The following FRYL variants were observed in gnomAD, a reference collection of about 807,000 sequenced individuals.
FRYL encodes protein furry homolog-like.
In FRYL, 150 loss-of-function variants were observed where a neutral mutation model predicts 351.2. The observed-to-expected ratio is 0.43, with a 90% CI of 0.37 to 0.49. The LOEUF (loss-of-function observed/expected upper bound fraction) is 0.49, where lower values mean the gene tolerates loss of function less well. Among genes scored for constraint, FRYL ranks in the 20% least tolerant of loss-of-function variants. FRYL has a pLI of 0.00. For synonymous variants in FRYL, 1,153 were observed against 1,257.1 expected, an observed-to-expected ratio of 0.92 and a Z score of 1.75; for missense variants, 3,036 against 3,619.3, an observed-to-expected ratio of 0.84 and a Z score of 4.13.
At chr4:48,638,804 C>T (rs1007866208) in intron 3 of FRYL, among the ~76,000 whole-genome samples, 12 of 151,962 alleles carry the variant, frequency 7.9e-5, no homozygotes, top group African/African-American at 2.4e-4. Context: ...ATGTCCTTTG[C>T]GGGGATACGG....
intron 53 of FRYL, among the ~76,000 whole-genome samples, chr4:48,525,444 G>A (rs1725910053): frequency 6.6e-6 from 1 of 152,072 alleles, no homozygotes; most frequent in Non-Finnish European, 1.5e-5. Context: ...TCTGCAGGGG[G>A]CACTGAGGCA....
chr4:48,725,311 A>G (rs1243076020), intron 1 of FRYL, among the ~76,000 whole-genome samples: 1 of 152,242 alleles, frequency 6.6e-6, no homozygotes, highest in Non-Finnish European at 1.5e-5. Flanking sequence ...AATTCTCTGC[A>G]CTAAATACCA....
chr4:48,658,130 T>C (rs1354426643), intron 3 of FRYL, among the ~76,000 whole-genome samples: 2 of 141,840 alleles, frequency 1.4e-5, no homozygotes, highest in African/African-American at 5.3e-5. Context: ...TGTTACTTAA[T>C]ATAGAATGAA....
In FRYL at chr4:48,557,159, C is replaced by G; in HGVS notation, c.4126-41G>C. ...ACAAAAGATACTTCAGTCATGACTGCCTATTATAAAAACCAAACTTGTCAT... is the reference window on the plus strand; with the variant it reads ...ACAAAAGATACTTCAGTCATGACTGGCTATTATAAAAACCAAACTTGTCAT... On this transcript the variant is annotated intron_variant, in intron 34 of 63. Coordinates refer to ENST00000358350, the MANE Select transcript of FRYL (RefSeq NM_015030.2). The G allele has an allele frequency of 1.9e-6, 3 of 1,542,226 alleles. No individual in the cohort carries two copies. The South Asian group carries it at 3.8e-5, about 20-fold the overall frequency.
At chr4:48,592,082 T>TAATA (rs888017807) in intron 16 of FRYL, among the ~76,000 whole-genome samples, 4 of 116,204 alleles carry the variant, frequency 3.4e-5, no homozygotes, top group African/African-American at 1.3e-4. Context: ...AATAAAGCTC[T>TAATA]TATATATATA....
chr4:48,632,100 A>ATATATATG (rs1553957589), intron 4 of FRYL, among the ~76,000 whole-genome samples: 32 of 29,282 alleles, frequency 1.1e-3, no homozygotes, highest in South Asian at 6.0e-3. Context: ...AAATATATAT[A>ATATATATG]TATATATATA....
chr4:48,522,787 T>C (rs1725191961), intron 54 of FRYL, 114 bp downstream of exon 54: 1 of 825,466 alleles, frequency 1.2e-6, no homozygotes. Context: ...TGCAATCTTG[T>C]AGATTCATTT....
intron 1 of FRYL, among the ~76,000 whole-genome samples, chr4:48,711,925 T>G (rs1376052451): frequency 6.6e-6 from 1 of 152,220 alleles, no homozygotes; most frequent in African/African-American, 2.4e-5. Context: ...ACCGCTGCTC[T>G]GCAAACACCG....
At chr4:48,558,108 A>G (rs745844321) in intron 33 of FRYL, among the ~76,000 whole-genome samples, 21 of 152,250 alleles carry the variant, frequency 1.4e-4, no homozygotes, top group Non-Finnish European at 2.6e-4. Flanking sequence ...AAATATTTGT[A>G]CATCCATGTT....
At chr4:48,736,744 G>A (rs1388227288) in intron 1 of FRYL, among the ~76,000 whole-genome samples, 1 of 150,226 alleles carries the variant, frequency 6.7e-6, no homozygotes, top group African/African-American at 2.4e-5. Context: ...CAGCTACTTG[G>A]GAGGCTGAAG....
At chr4:48,550,217 G>T (rs147107903) in intron 38 of FRYL, among the ~76,000 whole-genome samples, 2 of 152,274 alleles carry the variant, frequency 1.3e-5, no homozygotes, top group African/African-American at 4.8e-5. Context: ...ACGTTATAGT[G>T]AAACTTGGGT....
Position 48,634,280 on chromosome 4 carries a change from G to A in FRYL, c.120+11C>T, listed in dbSNP as rs138149705. On this transcript the variant is annotated intron_variant, in intron 4 of 63. Transcript: ENST00000358350. ...GAAAATATTTCAGATTTATAGGTCA[G>A]CTGTACTCACCAAGGGTTCGGCCAT... 8.1e-5 allele frequency: 129 copies of A among 1,594,112 alleles called. No individual in the cohort carries two copies. The African/African-American group carries it at 1.4e-3, about 17-fold the overall frequency.
chr4:48,501,710 T>G lies in FRYL; in HGVS notation c.8505A>C (p.Leu2835Phe), dbSNP rs777637999. The G allele has an allele frequency of 5.6e-6, 9 of 1,605,656 alleles. No individual in the cohort carries two copies. Among genetic ancestry groups the G allele is most frequent in the Non-Finnish European group, 7.7e-6 (9 of 1,172,886 alleles). Reference protein sequence around the residue: ...ILAELELCRRLYKLHFQLLLL... With the variant: ...ILAELELCRRFYKLHFQLLLL... ...GCAGCAATTGAAAATGCAATTTGTA[T>G]AATCTTCGGCAGAGCTCCAATTCCT... The change falls in exon 62 of 64, where the codon TTA (leucine) becomes TTC (phenylalanine). Residue 2835 changes from leucine to phenylalanine, a missense_variant. Physicochemically the swap from Leu to Phe is conservative, Grantham distance 22. This residue lies in a region of FRYL where 1,987 missense variants were observed against 2,311.7 expected (regional missense o/e 0.86). Transcript: ENST00000358350.
intron 57 of FRYL, 118 bp downstream of exon 57, chr4:48,512,363 A>G (rs1312011119): frequency 1.7e-5 from 13 of 781,866 alleles, no homozygotes; most frequent in East Asian, 1.6e-4. Context: ...AGCTTAGAAA[A>G]AAAAAATTTG....
chr4:48,593,876 T>C (rs146581680), intron 16 of FRYL, 54 bp downstream of exon 16: 11,246 of 765,202 alleles, frequency 0.015, 128 homozygotes, highest in Non-Finnish European at 0.018. Flanking sequence ...CCAGAAATCA[T>C]GCTCTTAAAA....
At chr4:48,641,150 T>C (rs1755233343) in intron 3 of FRYL, among the ~76,000 whole-genome samples, 1 of 152,160 alleles carries the variant, frequency 6.6e-6, no homozygotes, top group Admixed American at 6.5e-5. Context: ...AGGAAAACTC[T>C]ACATTTGAAA....
At chr4:48,690,853 T>C (rs758079761) in intron 2 of FRYL, among the ~76,000 whole-genome samples, 22 of 152,204 alleles carry the variant, frequency 1.4e-4, no homozygotes, top group Non-Finnish European at 2.2e-4. Context: ...CATGTTTATA[T>C]AAAACAATTG....
At chr4:48,656,554 A>G (rs1157896519) in intron 3 of FRYL, among the ~76,000 whole-genome samples, 6 of 123,922 alleles carry the variant, frequency 4.8e-5, no homozygotes, top group Admixed American at 2.7e-4. Context: ...TAATGTATAT[A>G]GTAATGTATA....
chr4:48,708,392 G>A (rs1340809732), intron 2 of FRYL, among the ~76,000 whole-genome samples: 1 of 151,822 alleles, frequency 6.6e-6, no homozygotes, highest in African/African-American at 2.4e-5. Flanking sequence ...GCTTGAACCT[G>A]GGAGGTGGAA....
Sources: allele counts gnomAD v4.1 joint callset (sites outside exome capture counted in the v4.1 genomes callset), GRCh38; gene constraint gnomAD v4.1.1; regional missense constraint gnomAD v4.1.1; transcripts MANE v1.5; gene names NCBI Gene and HGNC (gene_info 2026-07-23, HGNC 2026-07-21).